Variants in PKP3 observed in about 807,000 individuals in gnomAD.
PKP3 encodes plakophilin 3, also known as plakophilin-3.
Under a neutral mutation model 76.5 loss-of-function variants are expected in PKP3, and 66 were observed. That is an observed-to-expected ratio of 0.86 (90% CI 0.71 to 1.06). The LOEUF is 1.06. Among genes scored for constraint, PKP3 ranks in the 50% least tolerant of loss-of-function variants. PKP3 has a pLI of 0.00. For missense variants in PKP3, 1,338 were observed against 1,141.0 expected (o/e 1.17, Z -2.49); for synonymous variants, 638 against 516.5 (o/e 1.24, Z -3.19).
chr11:400,136 C>T lies in PKP3; in HGVS notation c.1443C>T (p.Phe481=). ...EAEIFYNATG[F]LRNLSSASQA... ...AGATCTTCTACAACGCCACCGGCTT[C>T]CTCAGGTGCGCCAGCCTCGGGCAGC... Residue 481 remains phenylalanine (F), a synonymous_variant, in exon 6 of 13, where the codon TTC becomes TTT. Transcript: ENST00000331563. 1 of 1,554,322 alleles carries T rather than the reference C, an allele frequency of 6.4e-7. No individual in the cohort carries two copies. Among genetic ancestry groups the T allele is most frequent in the Non-Finnish European group, 8.7e-7 (1 of 1,153,502 alleles).
chr11:400,481 T>C, intron 7 of PKP3, 30 bp downstream of exon 7: 1 of 1,517,224 alleles, frequency 6.6e-7, no homozygotes, highest in African/African-American at 1.4e-5. Context: ...GGAGGGGCCG[T>C]GCCCCCGGGC....
Position 397,012 on chromosome 11 carries a change from G to C in PKP3, c.511G>C (p.Gly171Arg). The stretch of plus-strand genomic sequence containing the variant: ...GTCCTTCCATGAGCGCGGTGGGGTT[G>C]GGAGCCGGGCCGACTATGACACACT... ...PVSFHERGGVGSRADYDTLSL... is the reference protein window; with the variant it reads ...PVSFHERGGVRSRADYDTLSL... Residue 171 changes from glycine (G) to arginine (R), a missense_variant, in exon 3 of 13, where the codon GGG becomes CGG. By Grantham distance (125) the Gly-to-Arg change is moderately radical (BLOSUM62 -2). Coordinates refer to ENST00000331563, the MANE Select transcript of PKP3 (RefSeq NM_007183.4). 1 of 1,599,848 alleles carries C rather than the reference G, an allele frequency of 6.3e-7. No homozygotes were observed.
Position 404,082 on chromosome 11 carries a change from G to A in PKP3, c.2217G>A (p.Leu739=), listed in dbSNP as rs759819891. The part of the protein sequence containing the change: ...VVASPIAARD[L]LYFDGLRKLI... ...CCAGCCCCATCGCTGCCCGAGACCT[G>A]CTGTATTTTGACGGACTCCGAAAGC... The change falls in exon 11 of 13, where the codon CTG becomes CTA. Residue 739 remains leucine, a synonymous_variant. Transcript: ENST00000331563. This position sits in a 1 kb window ranked among gnomAD's most constrained non-coding sequence, Gnocchi z 4.2. 3 of 1,612,376 alleles carry A rather than the reference G, an allele frequency of 1.9e-6. No homozygotes were observed. The highest frequency in any genetic ancestry group is 1.1e-5 in the South Asian group (1 of 91,072).
In PKP3 at chr11:400,851, AC is replaced by A. The variant is rs1310974214; in HGVS notation, c.1737+151del. On this transcript the variant is annotated intron_variant, in intron 8 of 12. Transcript: ENST00000331563. Reference sequence around the variant, plus strand: ...GACCCCGCTCACCCCCGCCCCGCTCACCCCCGACCCCGCTCACACCCGCCCC... The same window carrying A: ...GACCCCGCTCACCCCCGCCCCGCTCACCCCGACCCCGCTCACACCCGCCCC... 7.4e-5 allele frequency: 7 copies of A among 94,474 alleles called. 1 individual carries two copies. The highest frequency in any genetic ancestry group is 4.5e-3 in the Middle Eastern group (1 of 222). The allele number at this position is 94,474 out of a possible 1,614,324, so 5.9% of individuals were successfully genotyped here. A position where few individuals can be genotyped will look rare whatever the true frequency, so the allele number is the denominator to read the frequency against.
chr11:394,393 AG>A lies in PKP3; in HGVS notation c.105del (p.Pro36ArgfsTer63). The A allele has an allele frequency of 6.7e-7, 1 of 1,487,820 alleles. No homozygotes were observed. Among genetic ancestry groups the A allele is most frequent in the Non-Finnish European group, 8.9e-7 (1 of 1,126,954 alleles). 92.2% of individuals were successfully genotyped at this position (1,487,820 alleles called of 1,614,324 possible). ...CTGCAGCTGGACCGCCGGGGCGCCG[AG>A]GGGCCGGAGGCCGAGCGGCTGCGGG... ...SDLQLDRRGA[E>X]GPEAERLRAA... On this transcript the variant is annotated frameshift_variant, in exon 1 of 13. Coordinates refer to ENST00000331563, the MANE Select transcript of PKP3 (RefSeq NM_007183.4). LOFTEE classifies it high-confidence loss of function.
At chr11:400,482 G>GC (rs1222640436) in intron 7 of PKP3, 31 bp downstream of exon 7, 4 of 1,515,016 alleles carry the variant, frequency 2.6e-6, no homozygotes, top group Admixed American at 2.1e-5. Context: ...GAGGGGCCGT[G>GC]CCCCCGGGCC....
rs764034295 is a variant in PKP3 at position 404,258 on chromosome 11, C to A, written c.2293C>A (p.Arg765=). 4 of 1,612,494 alleles carry A rather than the reference C, an allele frequency of 2.5e-6. 1 individual carries two copies. The South Asian group carries it at 4.4e-5, about 18-fold the overall frequency. The change falls in exon 12 of 13, where the codon CGG becomes AGG. Residue 765 remains arginine, a synonymous_variant. Transcript: ENST00000331563. The surrounding 1 kb of genome is among the most constrained non-coding windows in gnomAD (Gnocchi z 4.2). ...CAGCCCCGACAGTGAGAAGTCCTCC[C>A]GGGCAGCATCCAGCCTCCTGGCCAA... ...RDSPDSEKSS[R]AASSLLANLW... is the part of the protein sequence containing the mutation.
chr11:395,892 G>A (rs889799129), intron 1 of PKP3, among the ~76,000 whole-genome samples: 1 of 152,166 alleles, frequency 6.6e-6, no homozygotes, highest in African/African-American at 2.4e-5. Context: ...GGACCCTGTC[G>A]TCGACGGCTG....
Position 397,651 on chromosome 11 carries a change from G to T in PKP3, c.1057G>T (p.Ala353Ser), listed in dbSNP as rs148819261. Residue 353 changes from alanine (A) to serine (S), a missense_variant, in exon 4 of 13, where the codon GCC becomes TCC. Ala to Ser is a moderately conservative substitution (Grantham distance 99). Transcript: ENST00000331563. ...GCACAAGTGCTACAGCGATGCAGCC[G>T]CCAAGAAGCAGGTGACCACCCCGAC... ...IQHKCYSDAA[A>S]KKQARSLQAV... 1.9e-6 allele frequency: 3 copies of T among 1,610,766 alleles called. No individual in the cohort carries two copies. The East Asian group carries it at 6.7e-5, about 36-fold the overall frequency.
intron 4 of PKP3, among the ~76,000 whole-genome samples, 168 bp from the exon 5 acceptor site, chr11:398,824 G>T (rs1051888801): frequency 1.4e-5 from 2 of 143,398 alleles, no homozygotes; most frequent in African/African-American, 5.3e-5. Context: ...CCGTACCCCC[G>T]CACACACCTC....
Position 400,118 on chromosome 11 carries a change from C to G in PKP3, c.1425C>G (p.Phe475Leu), listed in dbSNP as rs747944852. The G allele has an allele frequency of 1.3e-6, 2 of 1,570,068 alleles. No homozygotes were observed. The highest frequency in any genetic ancestry group is 1.7e-6 in the Non-Finnish European group (2 of 1,162,368). Reference protein sequence around the residue: ...IQQNASEAEIFYNATGFLRNL... With the variant: ...IQQNASEAEILYNATGFLRNL... ...AGAACGCCTCGGAGGCAGAGATCTTCTACAACGCCACCGGCTTCCTCAGGT... is the reference window on the plus strand; with the variant it reads ...AGAACGCCTCGGAGGCAGAGATCTTGTACAACGCCACCGGCTTCCTCAGGT... Residue 475 changes from phenylalanine (F) to leucine (L), a missense_variant, in exon 6 of 13, where the codon TTC (phenylalanine) becomes TTG (leucine). Coordinates refer to ENST00000331563, the MANE Select transcript of PKP3 (RefSeq NM_007183.4).
rs765745028 is a variant in PKP3 at position 400,159 on chromosome 11, A to C, written c.1448+18A>C. The C allele has an allele frequency of 6.6e-7, 1 of 1,525,394 alleles. No individual in the cohort carries two copies. The highest frequency in any genetic ancestry group is 8.8e-7 in the Non-Finnish European group (1 of 1,139,724). 94.5% of individuals were successfully genotyped at this position (1,525,394 alleles called of 1,614,324 possible). A position where few individuals can be genotyped will look rare whatever the true frequency, so the allele number is the denominator to read the frequency against. On this transcript the variant is annotated intron_variant, in intron 6 of 12. Coordinates refer to ENST00000331563, the MANE Select transcript of PKP3 (RefSeq NM_007183.4). ...TTCCTCAGGTGCGCCAGCCTCGGGC[A>C]GCGGGGTGGGGATTGCAGGCGCGGG...
intron 1 of PKP3, 168 bp from the exon 2 acceptor site, chr11:396,440 G>C: frequency 1.8e-6 from 1 of 556,128 alleles, no homozygotes; most frequent in South Asian, 2.4e-5. Context: ...AGGAGACCAA[G>C]CCATGGCAGG....
intron 4 of PKP3, 40 bp from the exon 5 acceptor site, chr11:398,952 C>A: frequency 1.4e-6 from 2 of 1,415,188 alleles, no homozygotes; most frequent in Non-Finnish European, 9.6e-7. Flanking sequence ...CTGCATCCAT[C>A]CACATGCGTC....
rs757856201 is a variant in PKP3, at chr11:403,248, G to T, written c.1908G>T (p.Thr636=). The part of the protein sequence containing the change: ...EAAAGALQNI[T]AGDRRWAGVL... ...CCGCCGGGGCGCTGCAGAACATCAC[G>T]GCAGGCGACCGCAGGGTGGGGCACC... Residue 636 remains threonine (T), a synonymous_variant, in exon 9 of 13, where the codon ACG becomes ACT. Transcript: ENST00000331563. 2 of 1,581,566 alleles carry T rather than the reference G, an allele frequency of 1.3e-6. No homozygotes were observed. Among genetic ancestry groups the T allele is most frequent in the South Asian group, 2.3e-5 (2 of 88,010 alleles).
rs557552977 is a variant in PKP3, at chr11:399,306, C to T, written c.1273+110C>T. ...CCTCCACCTGCCCACCATCTGCCCC[C>T]CTTCTCCACCTGCCCCCTCTGCCAC... On this transcript the variant is annotated intron_variant, in intron 5 of 12. Transcript: ENST00000331563. 4.7e-3 allele frequency: 1,906 copies of T among 409,540 alleles called. 13 individuals are homozygous for T. Among genetic ancestry groups the T allele is most frequent in the Non-Finnish European group, 6.3e-3 (1,514 of 239,732 alleles). 25.4% of individuals were successfully genotyped at this position (409,540 alleles called of 1,614,324 possible).
At chr11:400,853 C>A (rs192521077) in intron 8 of PKP3, 148 bp downstream of exon 8, 33,356 of 74,608 alleles carry the variant, frequency 0.45, 10,126 homozygotes, top group South Asian at 0.62. Context: ...CCCCGCTCAC[C>A]CCCGACCCCG....
In PKP3 at chr11:404,006, CA is replaced by C; in HGVS notation, c.2142del (p.Ala715ProfsTer8). ...GGCAGCGTGGGTGAGAAGTCGCCCC[CA>C]GCCGAGGTGCTGGTCAACATCATAG... The part of the protein sequence containing the change: ...LPGSVGEKSP[P>X]AEVLVNIIAV... On this transcript the variant is annotated frameshift_variant, in exon 11 of 13. Transcript: ENST00000331563. LOFTEE classifies it high-confidence loss of function. The surrounding 1 kb of genome is among the most constrained non-coding windows in gnomAD (Gnocchi z 4.2). 2 of 1,611,798 alleles carry C rather than the reference CA, an allele frequency of 1.2e-6. No individual in the cohort carries two copies. The highest frequency in any genetic ancestry group is 1.7e-6 in the Non-Finnish European group (2 of 1,179,266).
At chr11:394,135 C>A, upstream of PKP3, 1 of 1,204,778 alleles carries the variant, frequency 8.3e-7, no homozygotes, top group East Asian at 3.3e-5. Context: ...TGTCCCCGCC[C>A]CCAGCTGCGC....
Sources: gnomAD v4.1 joint callset for allele counts (sites outside exome capture counted in the v4.1 genomes callset) on GRCh38, gnomAD v4.1.1 for gene constraint, Gnocchi (gnomAD v3.1) non-coding constraint, MANE v1.5 for transcripts, NCBI Gene and HGNC (gene_info 2026-07-23, HGNC 2026-07-21) for gene names.